Variants in ATG7 observed in about 807,000 individuals in gnomAD.
ATG7 encodes ubiquitin-like modifier-activating enzyme ATG7.
Under a neutral mutation model 82.4 loss-of-function variants are expected in ATG7, and 70 were observed. That is an observed-to-expected ratio of 0.85 (90% CI 0.70 to 1.04). The LOEUF (loss-of-function observed/expected upper bound fraction) is 1.04, where lower values mean the gene tolerates loss of function less well. Among genes scored for constraint, ATG7 ranks in the 50% least tolerant of loss-of-function variants. The pLI, the probability that ATG7 is intolerant of heterozygous loss-of-function variation, is 0.00. For synonymous variants in ATG7, 287 were observed against 313.0 expected (o/e 0.92, Z 0.88); for missense variants, 792 against 864.3 (o/e 0.92, Z 1.05).
At chr3:11,305,762 G>A (rs1341690042) in intron 5 of ATG7, among the ~76,000 whole-genome samples, 1 of 152,184 alleles carries the variant, frequency 6.6e-6, no homozygotes, top group Non-Finnish European at 1.5e-5. Flanking sequence ...ATTTGAGCCT[G>A]ACAGACGGCA....
At chr3:11,548,135 C>T (rs551248960) in intron 20 of ATG7, among the ~76,000 whole-genome samples, 126 of 152,316 alleles carry the variant, frequency 8.3e-4, no homozygotes, top group African/African-American at 2.9e-3. Context: ...TGAGCCACCA[C>T]GCTTGGACTT....
At chr3:11,386,896 A>G (rs1386427950) in intron 19 of ATG7, among the ~76,000 whole-genome samples, 1 of 152,254 alleles carries the variant, frequency 6.6e-6, no homozygotes, top group Non-Finnish European at 1.5e-5. Flanking sequence ...GTATTTAGCT[A>G]CAAGCCTTAA....
At chr3:11,370,307 C>T (rs563655223) in intron 18 of ATG7, among the ~76,000 whole-genome samples, 1 of 151,106 alleles carries the variant, frequency 6.6e-6, no homozygotes, top group Non-Finnish European at 1.5e-5. Context: ...GGCTCATGTC[C>T]AGCTTAGTTT....
chr3:11,432,351 G>T (rs2082970577), intron 20 of ATG7, among the ~76,000 whole-genome samples: 1 of 152,160 alleles, frequency 6.6e-6, no homozygotes, highest in South Asian at 2.1e-4. Context: ...TGAGAAATGT[G>T]TGTGGTAGAT....
At chr3:11,563,090 A>G in the ATG7 span, among the ~76,000 whole-genome samples, 3 of 152,242 alleles carry the variant, frequency 2.0e-5, no homozygotes, top group African/African-American at 7.2e-5. Context: ...TGAAGAGTCA[A>G]GGAAATAAAT....
At chr3:11,422,393 T>G (rs767953290) in intron 19 of ATG7, among the ~76,000 whole-genome samples, 65 of 152,346 alleles carry the variant, frequency 4.3e-4, no homozygotes, top group Non-Finnish European at 7.8e-4. Context: ...GGAGACAGCT[T>G]CTTTCCTTAA....
At chr3:11,343,159 C>T (rs905428645) in intron 13 of ATG7, among the ~76,000 whole-genome samples, 3 of 152,052 alleles carry the variant, frequency 2.0e-5, no homozygotes, top group Non-Finnish European at 4.4e-5. Context: ...GAACTCTTGC[C>T]CTCAAGTGAT....
chr3:11,377,002 G>A (rs1282545823), intron 18 of ATG7, among the ~76,000 whole-genome samples: 1 of 152,204 alleles, frequency 6.6e-6, no homozygotes, highest in Admixed American at 6.5e-5. Context: ...GCCTCCCAAA[G>A]TGCTGGGATT....
At chr3:11,482,427 T>C (rs2089110017) in intron 20 of ATG7, among the ~76,000 whole-genome samples, 1 of 152,208 alleles carries the variant, frequency 6.6e-6, no homozygotes, top group African/African-American at 2.4e-5. Context: ...CAAAGAAAGA[T>C]GCTTATTACT....
At chr3:11,411,536 C>G (rs2080892526) in intron 19 of ATG7, among the ~76,000 whole-genome samples, 1 of 143,010 alleles carries the variant, frequency 7.0e-6, no homozygotes. Flanking sequence ...AGGAGACTCA[C>G]TTGAACCTGG....
chr3:11,313,048 G>T (rs752274280), intron 7 of ATG7, among the ~76,000 whole-genome samples: 1 of 152,168 alleles, frequency 6.6e-6, no homozygotes, highest in African/African-American at 2.4e-5. Flanking sequence ...CACATTTTCT[G>T]TTAGCAAGTG....
intron 7 of ATG7, 129 bp downstream of exon 7, chr3:11,309,190 C>A: frequency 1.1e-6 from 1 of 921,920 alleles, no homozygotes; most frequent in Non-Finnish European, 1.7e-6. Flanking sequence ...TAGCTGTTAA[C>A]GAAACGCTCA....
intron 9 of ATG7, 134 bp downstream of exon 9, chr3:11,315,627 C>T (rs1372052352): frequency 2.5e-6 from 2 of 805,592 alleles, no homozygotes; most frequent in Non-Finnish European, 3.6e-6. Flanking sequence ...AGAACATTTC[C>T]TTATCTCTAT....
chr3:11,321,981 T>C (rs1035814096), intron 9 of ATG7, among the ~76,000 whole-genome samples: 1 of 152,182 alleles, frequency 6.6e-6, no homozygotes, highest in African/African-American at 2.4e-5. Flanking sequence ...CCTCCTGAGA[T>C]TGGCAGGGTT....
intron 13 of ATG7, among the ~76,000 whole-genome samples, chr3:11,343,714 G>T (rs954305476): frequency 6.6e-6 from 1 of 152,190 alleles, no homozygotes; most frequent in East Asian, 1.9e-4. Flanking sequence ...TGGATTGTTA[G>T]TTGTTTTAAT....
chr3:11,432,396 T>G (rs1401314172), intron 20 of ATG7, among the ~76,000 whole-genome samples: 1 of 152,184 alleles, frequency 6.6e-6, no homozygotes, highest in African/African-American at 2.4e-5. Flanking sequence ...GATTAAAAAA[T>G]TTAAGTACCA....
chr3:11,323,907 C>A (rs993307979), intron 9 of ATG7, among the ~76,000 whole-genome samples: 2 of 152,266 alleles, frequency 1.3e-5, no homozygotes, highest in Admixed American at 1.3e-4. Context: ...TAAAGACAGC[C>A]ATTTGTTAGA....
In ATG7 at chr3:11,315,338, T is replaced by C; in HGVS notation, c.529-6T>C. On this transcript the variant is annotated splice_region_variant and splice_polypyrimidine_tract_variant and intron_variant, in intron 8 of 20. Coordinates refer to ENST00000693202, the MANE Select transcript of ATG7 (RefSeq NM_001349232.2). ...TAGAGAATAACAACGTGTTTTCTGT[T>C]TTCAGATTGAAGCACTAGAGTGTGC... The C allele has an allele frequency of 6.5e-7, 1 of 1,550,270 alleles. No homozygotes were observed.
Position 11,425,146 on chromosome 3 carries a change from T to C in ATG7, c.1957-1658T>C, listed in dbSNP as rs564494160. Among the ~76,000 whole-genome samples, 228 of 152,282 alleles carry C rather than the reference T, an allele frequency of 1.5e-3. 1 individual carries two copies. Among genetic ancestry groups the C allele is most frequent in the African/African-American group, 5.3e-3 (220 of 41,556 alleles). On this transcript the variant is annotated intron_variant, in intron 19 of 20. Transcript: ENST00000693202. ...CCTGGCTAATTTTTAAGTTTTTTTGTGGAGACAAGGTCTCACTATGTTGCC... is the reference window on the plus strand; with the variant it reads ...CCTGGCTAATTTTTAAGTTTTTTTGCGGAGACAAGGTCTCACTATGTTGCC...
Sources: gnomAD v4.1 joint callset for allele counts (sites outside exome capture counted in the v4.1 genomes callset) on GRCh38, gnomAD v4.1.1 for gene constraint, MANE v1.5 for transcripts, NCBI Gene and HGNC (gene_info 2026-07-23, HGNC 2026-07-21) for gene names.